LAMA2: variants seen among roughly 807,000 people sequenced by gnomAD.
The protein encoded by LAMA2 is laminin subunit alpha-2.
Under a neutral mutation model 364.8 loss-of-function variants are expected in LAMA2, and 269 were observed. The ratio of observed to expected loss-of-function variants is 0.74; its 90% CI spans 0.67 to 0.82. The LOEUF is 0.82. LAMA2 is among the 40% of genes least tolerant of loss of function. The probability of loss-of-function intolerance (pLI) is 0.00; values close to 1 mark genes in which losing one functional copy is unlikely to be tolerated. For missense variants in LAMA2, 3,807 were observed against 3,873.2 expected, an observed-to-expected ratio of 0.98 and a Z score of 0.45; for synonymous variants, 1,379 against 1,370.6, an observed-to-expected ratio of 1.01 and a Z score of -0.14.
chr6:129,305,368 A>G (rs1773800547), intron 22 of LAMA2, among the ~76,000 whole-genome samples: 1 of 150,306 alleles, frequency 6.7e-6, no homozygotes, highest in Non-Finnish European at 1.5e-5. Flanking sequence ...TCCATTGCCC[A>G]GGCTAGAGTG....
intron 22 of LAMA2, 69 bp downstream of exon 22, chr6:129,300,941 G>A (rs1197646294): frequency 2.2e-6 from 3 of 1,392,154 alleles, no homozygotes; most frequent in Non-Finnish European, 2.0e-6. Flanking sequence ...CTCTGTAATT[G>A]GGCATTTCAA....
At chr6:129,026,795 C>T (rs907331230) in intron 1 of LAMA2, among the ~76,000 whole-genome samples, 1 of 152,054 alleles carries the variant, frequency 6.6e-6, no homozygotes, top group Non-Finnish European at 1.5e-5. Context: ...ATTGATTTTG[C>T]AGAGTTTTCA....
chr6:128,884,310 T>C (rs1344771757), intron 1 of LAMA2, among the ~76,000 whole-genome samples: 2 of 149,632 alleles, frequency 1.3e-5, no homozygotes. Flanking sequence ...AAAACCTGTA[T>C]CAAAGTAAAA....
chr6:128,964,433 T>TA (rs1781720568), intron 1 of LAMA2, among the ~76,000 whole-genome samples: 1 of 152,086 alleles, frequency 6.6e-6, no homozygotes, highest in Non-Finnish European at 1.5e-5. Flanking sequence ...CCACAGTGAA[T>TA]ATTGGCATGA....
chr6:128,957,694 T>C (rs1035339923), intron 1 of LAMA2, among the ~76,000 whole-genome samples: 3 of 151,844 alleles, frequency 2.0e-5, no homozygotes, highest in Admixed American at 2.0e-4. Context: ...TCACTGATGA[T>C]CTTGTTGGCT....
intron 56 of LAMA2, 22 bp from the exon 57 acceptor site, chr6:129,491,875 CTTGT>C (rs1784880418): frequency 6.5e-7 from 1 of 1,536,608 alleles, no homozygotes; most frequent in Non-Finnish European, 9.0e-7. Flanking sequence ...GTGACTTATA[CTTGT>C]TTATTTTTAA....
chr6:129,481,525 A>G, intron 55 of LAMA2, 86 bp downstream of exon 55: 1 of 1,125,086 alleles, frequency 8.9e-7, no homozygotes, highest in Non-Finnish European at 1.4e-6. Flanking sequence ...GTTTCGTATC[A>G]TTTATTTCTG....
intron 1 of LAMA2, among the ~76,000 whole-genome samples, chr6:128,958,080 T>G (rs1043709433): frequency 1.3e-5 from 2 of 152,000 alleles, no homozygotes; most frequent in African/African-American, 4.8e-5. Context: ...TTTTTCTTAT[T>G]ATAAAATATT....
chr6:129,086,416 A>T (rs987037832), intron 3 of LAMA2, among the ~76,000 whole-genome samples: 4 of 152,228 alleles, frequency 2.6e-5, no homozygotes, highest in Non-Finnish European at 5.9e-5. Context: ...AACTTATAAC[A>T]GTTTTGGTGG....
At chr6:129,255,728 GA>G (rs1178630956) in intron 14 of LAMA2, among the ~76,000 whole-genome samples, 1 of 152,038 alleles carries the variant, frequency 6.6e-6, no homozygotes, top group Non-Finnish European at 1.5e-5. Flanking sequence ...AAATAATCTA[GA>G]AAAATTCCTT....
chr6:129,106,873 A>ATATAT (rs200900181), intron 4 of LAMA2, among the ~76,000 whole-genome samples: 28 of 132,490 alleles, frequency 2.1e-4, no homozygotes, highest in South Asian at 9.4e-4. Context: ...AAAAAAAAAA[A>ATATAT]AAATATATAT....
At chr6:129,094,603 A>T (rs1331981483) in intron 3 of LAMA2, among the ~76,000 whole-genome samples, 1 of 152,202 alleles carries the variant, frequency 6.6e-6, no homozygotes, top group South Asian at 2.1e-4. Context: ...TTCTTTATCC[A>T]TAACCTTAGT....
chr6:128,913,607 A>ATGG (rs1245503378), intron 1 of LAMA2, among the ~76,000 whole-genome samples: 1 of 152,214 alleles, frequency 6.6e-6, no homozygotes, highest in Non-Finnish European at 1.5e-5. Context: ...CAAAGACACC[A>ATGG]TATTCTTACT....
chr6:129,226,441 A>G (rs867268595), intron 12 of LAMA2, among the ~76,000 whole-genome samples: 4 of 152,182 alleles, frequency 2.6e-5, no homozygotes, highest in African/African-American at 9.6e-5. Context: ...GGTCTTTACA[A>G]TTTGGCATGT....
At chr6:129,455,637 G>A (rs1782923059) in intron 47 of LAMA2, among the ~76,000 whole-genome samples, 1 of 152,052 alleles carries the variant, frequency 6.6e-6, no homozygotes, top group Admixed American at 6.6e-5. Flanking sequence ...ACAGCTCATG[G>A]AAATCAATCA....
intron 14 of LAMA2, among the ~76,000 whole-genome samples, chr6:129,255,404 T>TTAA (rs1355029872): frequency 1.5e-3 from 30 of 20,000 alleles, no homozygotes; most frequent in South Asian, 5.3e-3. Flanking sequence ...AGACTCTGTC[T>TTAA]CAAAAAAAAA....
At chr6:129,107,731 A>T (rs1775915645) in intron 4 of LAMA2, among the ~76,000 whole-genome samples, 2 of 152,222 alleles carry the variant, frequency 1.3e-5, no homozygotes, top group African/African-American at 4.8e-5. Context: ...CGCATTTTAC[A>T]GTTGAGAAAC....
chr6:129,117,223 G>A (rs2114911824), intron 4 of LAMA2, among the ~76,000 whole-genome samples: 1 of 152,256 alleles, frequency 6.6e-6, no homozygotes, highest in South Asian at 2.1e-4. Context: ...CTTATGTAAG[G>A]ATGTCAGATA....
In LAMA2 at chr6:129,280,075, G is replaced by A; in HGVS notation, c.2465G>A (p.Cys822Tyr). Reference protein sequence around the residue: ...NIPSNNFSPTCHLDRSLGLIC... With the variant: ...NIPSNNFSPTYHLDRSLGLIC... ...CATCAACATAGCTTTAGCCCAACGT[G>A]CCATTTAGACCGGAGTCTTGGATTG... Residue 822 changes from cysteine (C) to tyrosine (Y), a missense_variant, in exon 18 of 65, where the codon TGC becomes TAC. By Grantham distance (194) the Cys-to-Tyr change is radical. Coordinates refer to ENST00000421865, the MANE Select transcript of LAMA2 (RefSeq NM_000426.4). The A allele has an allele frequency of 6.2e-7, 1 of 1,612,806 alleles. No individual in the cohort carries two copies. Among genetic ancestry groups the A allele is most frequent in the Non-Finnish European group, 8.5e-7 (1 of 1,178,954 alleles).
Sources: allele counts gnomAD v4.1 joint callset (sites outside exome capture counted in the v4.1 genomes callset), GRCh38; gene constraint gnomAD v4.1.1; transcripts MANE v1.5; gene names NCBI Gene and HGNC (gene_info 2026-07-23, HGNC 2026-07-21).